Variants in CBL observed in about 807,000 individuals in gnomAD.
CBL encodes the protein Cbl proto-oncogene.
A neutral mutation model predicts 96.9 loss-of-function variants in CBL; 45 were observed. That is an observed-to-expected ratio of 0.46 (90% CI 0.37 to 0.60). CBL has a LOEUF of 0.60. CBL is among the 20% of genes least tolerant of loss of function. CBL has a pLI of 0.00. For synonymous variants in CBL, 420 were observed against 426.8 expected (o/e 0.98, Z 0.20); for missense variants, 1,024 against 1,143.5 (o/e 0.90, Z 1.51).
chr11:119,291,937 A>G (rs1950029891), intron 12 of CBL, among the ~76,000 whole-genome samples: 1 of 152,050 alleles, frequency 6.6e-6, no homozygotes, highest in Non-Finnish European at 1.5e-5. Flanking sequence ...GCTCATTGCA[A>G]CCTTTGCCTC....
intron 12 of CBL, among the ~76,000 whole-genome samples, chr11:119,290,667 T>G (rs1392261520): frequency 1.3e-5 from 2 of 149,920 alleles, no homozygotes; most frequent in East Asian, 4.1e-4. Context: ...CTATTTTTGT[T>G]TTGTTTTGTT....
chr11:119,227,490 A>G (rs1046118038), intron 1 of CBL, among the ~76,000 whole-genome samples: 1 of 151,882 alleles, frequency 6.6e-6, no homozygotes, highest in Non-Finnish European at 1.5e-5. Context: ...CTTATCTACT[A>G]GTCACCCAGC....
rs544400866 is a variant in CBL at position 119,212,551 on chromosome 11, G to A, written c.195+5939G>A. On this transcript the variant is annotated intron_variant, in intron 1 of 15. Transcript: ENST00000264033. ...TGAGGCAGGAGAATCCCTTGAACCCGGGAAGCGGAGGCTGCGGTGAGCCGA... is the reference window on the plus strand; with the variant it reads ...TGAGGCAGGAGAATCCCTTGAACCCAGGAAGCGGAGGCTGCGGTGAGCCGA... Among the ~76,000 whole-genome samples, 83 of 151,982 alleles carry A rather than the reference G, an allele frequency of 5.5e-4. 1 individual carries two copies. In the East Asian group the frequency reaches 0.013, roughly 24 times the overall value.
chr11:119,282,148 G>C (rs1949940502), intron 9 of CBL, among the ~76,000 whole-genome samples: 1 of 145,174 alleles, frequency 6.9e-6, no homozygotes, highest in Non-Finnish European at 1.5e-5. Context: ...TACCAGCCTG[G>C]CCAGTGTGGT....
Position 119,307,148 on chromosome 11 carries a change from C to G in CBL, c.*7367C>G. 1 of 232,132 alleles carries G rather than the reference C, an allele frequency of 4.3e-6. No individual in the cohort carries two copies. Among genetic ancestry groups the G allele is most frequent in the Non-Finnish European group, 8.5e-6 (1 of 117,164 alleles). 14.4% of individuals were successfully genotyped at this position (232,132 alleles called of 1,614,324 possible). A position where few individuals can be genotyped will look rare whatever the true frequency, so the allele number is the denominator to read the frequency against. ...GCAGTGTGTCTGGAGTCCCTTTCCC[C>G]TGCTGTGAGACTTCAGTGGAGGAGA... is the stretch of plus-strand genomic sequence containing the variant. On this transcript the variant is annotated 3_prime_UTR_variant, in exon 16 of 16. Transcript: ENST00000264033.
chr11:119,287,831 A>G (rs1349030821), intron 11 of CBL, 21 bp from the exon 12 acceptor site: 7 of 1,542,336 alleles, frequency 4.5e-6, no homozygotes, highest in East Asian at 2.2e-5. Context: ...TTGTTTTTCA[A>G]CACTTTTCTT....
intron 1 of CBL, among the ~76,000 whole-genome samples, chr11:119,223,412 G>A (rs1293984082): frequency 1.3e-5 from 2 of 149,794 alleles, no homozygotes; most frequent in East Asian, 3.9e-4. Flanking sequence ...ATTATGTTAT[G>A]TTATGTTATG....
chr11:119,237,021 C>T (rs1464891367), intron 2 of CBL, among the ~76,000 whole-genome samples: 1 of 152,126 alleles, frequency 6.6e-6, no homozygotes, highest in Non-Finnish European at 1.5e-5. Context: ...AATTTCACAA[C>T]GTTCTACTTT....
At chr11:119,224,728 T>A (rs968955431) in intron 1 of CBL, among the ~76,000 whole-genome samples, 1 of 151,458 alleles carries the variant, frequency 6.6e-6, no homozygotes, top group Admixed American at 6.6e-5. Context: ...GTAGCTGGGA[T>A]TACAGAAGAA....
chr11:119,257,299 A>G (rs959373072), intron 2 of CBL, among the ~76,000 whole-genome samples: 1 of 151,576 alleles, frequency 6.6e-6, no homozygotes, highest in Non-Finnish European at 1.5e-5. Context: ...AATAATGGCC[A>G]CTCTGGCTGG....
intron 2 of CBL, among the ~76,000 whole-genome samples, chr11:119,263,226 A>C (rs556705779): frequency 6.6e-6 from 1 of 152,316 alleles, no homozygotes; most frequent in South Asian, 2.1e-4. Flanking sequence ...TGGTATTAGA[A>C]AGGTGAATTA....
chr11:119,244,599 T>TTTTTTTTTTTTTTTTTTTGG (rs1949611666), intron 2 of CBL, among the ~76,000 whole-genome samples: 2 of 148,340 alleles, frequency 1.3e-5, no homozygotes, highest in African/African-American at 5.0e-5. Flanking sequence ...TTTTTTTTTT[T>TTTTTTTTTTTTTTTTTTTGG]GAGACGGAGT....
intron 1 of CBL, among the ~76,000 whole-genome samples, chr11:119,211,382 A>G (rs1229961801): frequency 6.6e-6 from 1 of 152,018 alleles, no homozygotes; most frequent in East Asian, 1.9e-4. Context: ...CAAAAACAAC[A>G]ACAAAAAATC....
chr11:119,243,246 C>T (rs903932581), intron 2 of CBL, among the ~76,000 whole-genome samples: 1 of 152,110 alleles, frequency 6.6e-6, no homozygotes, highest in African/African-American at 2.4e-5. Context: ...CCAGTGCACT[C>T]CAGCCTGGAC....
Position 119,276,145 on chromosome 11 carries a change from A to G in CBL, c.1007+11A>G. ...CTTCAGGGAAGGCTTGTGAGTACCT[A>G]CTGCATACCATCTGTTAGAGTCTGG... On this transcript the variant is annotated intron_variant, in intron 6 of 15. Coordinates refer to ENST00000264033, the MANE Select transcript of CBL (RefSeq NM_005188.4). The G allele has an allele frequency of 6.2e-7, 1 of 1,613,898 alleles. No homozygotes were observed. The highest frequency in any genetic ancestry group is 8.5e-7 in the Non-Finnish European group (1 of 1,179,820).
At position 119,251,803 on chromosome 11, in the gene CBL, C is replaced by T. The variant is rs187981911; in HGVS notation, c.443+19108C>T. Among the ~76,000 whole-genome samples the T allele has an allele frequency of 2.0e-5, 3 of 152,238 alleles. No homozygotes were observed. The East Asian group carries it at 5.8e-4, about 29-fold the overall frequency. On this transcript the variant is annotated intron_variant, in intron 2 of 15. Coordinates refer to ENST00000264033, the MANE Select transcript of CBL (RefSeq NM_005188.4). Reference sequence around the variant, plus strand: ...GGCTGTGAATGTCAAGTAGAAAGTGCAGAAGCTTTTTCCAATCACTTTACT... The same window carrying T: ...GGCTGTGAATGTCAAGTAGAAAGTGTAGAAGCTTTTTCCAATCACTTTACT...
At chr11:119,265,270 G>A (rs1208473760) in intron 2 of CBL, among the ~76,000 whole-genome samples, 1 of 152,114 alleles carries the variant, frequency 6.6e-6, no homozygotes, top group Non-Finnish European at 1.5e-5. Flanking sequence ...ATTTTTAAGA[G>A]ACTTTTGAAG....
chr11:119,209,493 C>G (rs1949300231), intron 1 of CBL, among the ~76,000 whole-genome samples: 1 of 152,142 alleles, frequency 6.6e-6, no homozygotes, highest in Non-Finnish European at 1.5e-5. Flanking sequence ...GTGGCAGACG[C>G]CTGTAATCCC....
At chr11:119,271,096 T>G (rs967103866) in intron 2 of CBL, among the ~76,000 whole-genome samples, 1 of 152,230 alleles carries the variant, frequency 6.6e-6, no homozygotes, top group African/African-American at 2.4e-5. Context: ...ACTTAAAAAT[T>G]CTTTTAATTA....
Sources: allele counts gnomAD v4.1 joint callset (sites outside exome capture counted in the v4.1 genomes callset), GRCh38; gene constraint gnomAD v4.1.1; transcripts MANE v1.5; gene names NCBI Gene and HGNC (gene_info 2026-07-23, HGNC 2026-07-21).